The following ZNF177 variants were observed in gnomAD, a reference collection of about 807,000 sequenced individuals.
ZNF177 encodes the protein zinc finger protein 177.
In ZNF177, 17 loss-of-function variants were observed where a neutral mutation model predicts 19.4. That is an observed-to-expected ratio of 0.87 (90% CI 0.60 to 1.31). The LOEUF (loss-of-function observed/expected upper bound fraction) is 1.31, where lower values mean the gene tolerates loss of function less well. Among genes scored for constraint, ZNF177 ranks in the 40% most tolerant of loss-of-function variants. The pLI is 0.00. For missense variants in ZNF177, 633 were observed against 561.8 expected (o/e 1.13, Z -1.28); for synonymous variants, 220 against 188.7 (o/e 1.17, Z -1.36).
intron 2 of ZNF177, among the ~76,000 whole-genome samples, chr19:9,365,977 A>T (rs950387297): frequency 6.6e-6 from 1 of 152,104 alleles, no homozygotes; most frequent in Non-Finnish European, 1.5e-5. Flanking sequence ...TGATCTCCCA[A>T]GGGAGGTCCC....
upstream of ZNF177, among the ~76,000 whole-genome samples, chr19:9,372,796 C>G (rs1473788767): frequency 6.6e-6 from 1 of 152,100 alleles, no homozygotes; most frequent in Non-Finnish European, 1.5e-5. Flanking sequence ...ATCCACCCAC[C>G]TTGGCCTCCC....
At chr19:9,363,696 GGT>G (rs1290427012) in intron 1 of ZNF177, among the ~76,000 whole-genome samples, 1 of 152,078 alleles carries the variant, frequency 6.6e-6, no homozygotes, top group African/African-American at 2.4e-5. Context: ...GAGCCCTCAG[GGT>G]GTGTTTTGTA....
upstream of ZNF177, among the ~76,000 whole-genome samples, chr19:9,373,629 A>G: frequency 6.6e-6 from 1 of 152,126 alleles, no homozygotes; most frequent in East Asian, 1.9e-4. Context: ...TTTTGATAAT[A>G]TCTATTATAA....
exon 6 of ZNF177, chr19:9,381,208 T>A: frequency 6.2e-7 from 1 of 1,614,186 alleles, no homozygotes; most frequent in Non-Finnish European, 8.5e-7. Flanking sequence ...TGGGAAAGCC[T>A]TCATTTTTCA....
exon 6 of ZNF177, chr19:9,382,124 T>C (rs905751522): frequency 2.5e-6 from 1 of 398,184 alleles, no homozygotes; most frequent in Non-Finnish European, 4.5e-6. Context: ...CAGACAGAAC[T>C]AGTTGCTGTC....
chr19:9,364,158 G>A (rs2122469527), intron 1 of ZNF177, among the ~76,000 whole-genome samples: 1 of 152,296 alleles, frequency 6.6e-6, no homozygotes, highest in East Asian at 1.9e-4. Flanking sequence ...TGGTTGGCAA[G>A]TTTTTGGGCT....
At chr19:9,381,797 T>C (rs768762823) in exon 6 of ZNF177, 1 of 1,570,308 alleles carries the variant, frequency 6.4e-7, no homozygotes, top group Non-Finnish European at 8.6e-7. Flanking sequence ...GGGAAGTGTT[T>C]GTTGCCCCTC....
At chr19:9,373,194 G>A (rs1039199785), upstream of ZNF177, among the ~76,000 whole-genome samples, 1 of 152,060 alleles carries the variant, frequency 6.6e-6, no homozygotes, top group African/African-American at 2.4e-5. Context: ...GCTTCTAGGA[G>A]TTTGACTTTT....
intron 5 of ZNF177, 71 bp downstream of exon 7, chr19:9,380,210 A>G: frequency 6.7e-7 from 1 of 1,488,884 alleles, no homozygotes; most frequent in South Asian, 1.4e-5. Flanking sequence ...TTAAAACATC[A>G]GCACCCAAAG....
At chr19:9,379,069 T>G (rs79577494) in exon 3 of ZNF177, 4 of 1,609,550 alleles carry the variant, frequency 2.5e-6, no homozygotes, top group Non-Finnish European at 3.4e-6. Context: ...TGGAGAACTT[T>G]AGGAACCTGG....
exon 6 of ZNF177, chr19:9,381,496 T>A (rs145076784): frequency 1.9e-6 from 3 of 1,611,674 alleles, no homozygotes; most frequent in Non-Finnish European, 2.5e-6. Context: ...ACACACACGC[T>A]CTCACACTGG....
intron 1 of ZNF177, among the ~76,000 whole-genome samples, chr19:9,363,743 C>T (rs921908551): frequency 2.0e-5 from 3 of 152,244 alleles, no homozygotes; most frequent in East Asian, 3.9e-4. Flanking sequence ...TTCAGTTTAC[C>T]TGTAGTTTCT....
chr19:9,363,354 C>T (rs1232904338), intron 1 of ZNF177: 3 of 152,268 alleles, frequency 2.0e-5, no homozygotes, highest in Non-Finnish European at 4.4e-5. Flanking sequence ...CTGTACCCTT[C>T]TCTTTAAACG....
chr19:9,364,920 A>G (rs1486587898), exon 2 of ZNF177: 22 of 152,224 alleles, frequency 1.4e-4, no homozygotes, highest in Admixed American at 1.4e-3. Flanking sequence ...AGCAAGGGGA[A>G]GGTAGCCAAG....
intron 2 of ZNF177, among the ~76,000 whole-genome samples, chr19:9,370,700 G>A (rs1163977011): frequency 6.6e-6 from 1 of 152,156 alleles, no homozygotes; most frequent in East Asian, 1.9e-4. Context: ...GGGATTACTG[G>A]TGTGAGCCAC....
At chr19:9,372,352 G>A (rs900619115), upstream of ZNF177, among the ~76,000 whole-genome samples, 9 of 152,068 alleles carry the variant, frequency 5.9e-5, no homozygotes, top group Non-Finnish European at 8.8e-5. Context: ...CTTGCTTCAC[G>A]CTTTCATATG....
chr19:9,379,509 T>C lies in ZNF177; in HGVS notation c.161-18T>C. 6.2e-7 allele frequency: 1 copy of C among 1,610,850 alleles called. No homozygotes were observed. Among genetic ancestry groups the C allele is most frequent in the Non-Finnish European group, 8.5e-7 (1 of 1,178,860 alleles). ...TTCTCACACATTTCTCCCACATCCT[T>C]GCTTTCTGCGTGAGCAGGGTATCAG... is the stretch of plus-strand genomic sequence containing the variant. On this transcript the variant is annotated intron_variant, in intron 3 of 5. Coordinates refer to ENST00000589262, the Ensembl canonical transcript of ZNF177.
At chr19:9,373,189 T>C (rs577208754), upstream of ZNF177, among the ~76,000 whole-genome samples, 1 of 152,320 alleles carries the variant, frequency 6.6e-6, no homozygotes, top group African/African-American at 2.4e-5. Context: ...CTAATGCTTC[T>C]AGGAGTTTGA....
chr19:9,381,419 C>T (rs745814693), exon 6 of ZNF177: 2 of 1,614,014 alleles, frequency 1.2e-6, no homozygotes, highest in Non-Finnish European at 1.7e-6. Flanking sequence ...AGAACCCACA[C>T]TGGAGAGAAA....
Sources: gnomAD v4.1 joint callset for allele counts (sites outside exome capture counted in the v4.1 genomes callset) on GRCh38, gnomAD v4.1.1 for gene constraint, MANE v1.5 for transcripts, NCBI Gene and HGNC (gene_info 2026-07-23, HGNC 2026-07-21) for gene names.